GAB2: variants seen among roughly 807,000 people sequenced by gnomAD.
The protein encoded by GAB2 is GRB2 associated binding protein 2, also known as GRB2-associated-binding protein 2.
GAB2 carries 26 observed loss-of-function variants against 65.5 expected under a neutral mutation model. The observed-to-expected ratio is 0.40, with a 90% confidence interval of 0.29 to 0.55. The LOEUF is 0.55. Ranked by LOEUF, GAB2 falls within the 20% of genes least tolerant of loss-of-function variation. The probability of loss-of-function intolerance (pLI) is 0.53; values close to 1 mark genes in which losing one functional copy is unlikely to be tolerated. For synonymous variants in GAB2, 321 were observed against 329.6 expected (o/e 0.97, Z 0.28); for missense variants, 884 against 875.8 (o/e 1.01, Z -0.12).
At chr11:78,305,919 A>C (rs1478723276) in intron 1 of GAB2, among the ~76,000 whole-genome samples, 1 of 152,210 alleles carries the variant, frequency 6.6e-6, no homozygotes, top group Non-Finnish European at 1.5e-5. Flanking sequence ...ATTCTAAATA[A>C]AATTCTAAGA....
intron 1 of GAB2, among the ~76,000 whole-genome samples, chr11:78,356,512 C>T (rs1856361384): frequency 1.3e-5 from 2 of 152,100 alleles, no homozygotes; most frequent in South Asian, 4.1e-4. Flanking sequence ...TTTTAGCATC[C>T]CAAAAGAAAG....
At chr11:78,407,288 A>G (rs73502978) in intron 1 of GAB2, among the ~76,000 whole-genome samples, 9,591 of 152,108 alleles carry the variant, frequency 0.063, 980 homozygotes, top group African/African-American at 0.22. Context: ...CAAGACACAT[A>G]GCAAAATTCT....
In GAB2 at chr11:78,222,323, T is replaced by C. The variant is rs1864468530; in HGVS notation, c.1568-128A>G. On this transcript the variant is annotated intron_variant, in intron 6 of 9. Transcript: ENST00000361507. ...TCATTCCAGTTTCACACAGGGAAAC[T>C]GACGCTCAGCGAGGTTGTATAATCT... 4 of 665,986 alleles carry C rather than the reference T, an allele frequency of 6.0e-6. No individual in the cohort carries two copies. In the Admixed American group the frequency reaches 6.6e-5, roughly 11 times the overall value. 41.3% of individuals were successfully genotyped at this position (665,986 alleles called of 1,614,324 possible). A position where few individuals can be genotyped will look rare whatever the true frequency, so the allele number is the denominator to read the frequency against.
At chr11:78,336,483 T>G (rs879906349) in intron 1 of GAB2, among the ~76,000 whole-genome samples, 18 of 149,914 alleles carry the variant, frequency 1.2e-4, no homozygotes, top group Admixed American at 3.3e-4. Flanking sequence ...AGTTGTTGTT[T>G]TTTTTTTTTT....
chr11:78,269,408 C>T (rs1865954429), intron 2 of GAB2, among the ~76,000 whole-genome samples: 1 of 152,214 alleles, frequency 6.6e-6, no homozygotes, highest in African/African-American at 2.4e-5. Context: ...TTCTCCCTGG[C>T]TCTCTGTCTC....
At chr11:78,360,358 C>T (rs1856417480) in intron 1 of GAB2, among the ~76,000 whole-genome samples, 1 of 145,918 alleles carries the variant, frequency 6.9e-6, no homozygotes, top group African/African-American at 2.5e-5. Flanking sequence ...TACTTGAGAC[C>T]AGCCTGGACA....
At chr11:78,229,685 G>A (rs552091100) in intron 3 of GAB2, among the ~76,000 whole-genome samples, 2 of 152,280 alleles carry the variant, frequency 1.3e-5, no homozygotes, top group South Asian at 4.2e-4. Context: ...TCAGGATTAA[G>A]CCCAAACTCC....
chr11:78,264,102 T>A (rs945412507), intron 2 of GAB2, among the ~76,000 whole-genome samples: 20 of 152,194 alleles, frequency 1.3e-4, no homozygotes, highest in African/African-American at 4.6e-4. Flanking sequence ...TAAATAGTAC[T>A]GTTTTCATAT....
chr11:78,312,563 T>C (rs950313492), intron 1 of GAB2, among the ~76,000 whole-genome samples: 4 of 152,108 alleles, frequency 2.6e-5, no homozygotes, highest in Non-Finnish European at 4.4e-5. Flanking sequence ...GTAGCTGGGA[T>C]TACAGGTGCC....
intron 1 of GAB2, among the ~76,000 whole-genome samples, chr11:78,361,678 A>G (rs879451370): frequency 3.3e-5 from 5 of 152,204 alleles, no homozygotes; most frequent in Admixed American, 6.5e-5. Flanking sequence ...ATACACTTAA[A>G]TATTACTTTT....
chr11:78,279,356 G>T (rs1866266839), intron 2 of GAB2, among the ~76,000 whole-genome samples: 1 of 152,178 alleles, frequency 6.6e-6, no homozygotes, highest in South Asian at 2.1e-4. Flanking sequence ...GGGGCTCTTT[G>T]TGACTCCACA....
At chr11:78,282,824 C>T (rs1051337754) in intron 1 of GAB2, among the ~76,000 whole-genome samples, 1 of 152,180 alleles carries the variant, frequency 6.6e-6, no homozygotes, top group Non-Finnish European at 1.5e-5. Context: ...ATTAATTCTA[C>T]CATCTTTTCA....
chr11:78,324,078 A>T (rs899788889), intron 1 of GAB2, among the ~76,000 whole-genome samples: 1 of 151,268 alleles, frequency 6.6e-6, no homozygotes, highest in African/African-American at 2.4e-5. Context: ...GATAACAGTC[A>T]TGATCCACCA....
At chr11:78,343,320 C>A (rs1856129089) in intron 1 of GAB2, among the ~76,000 whole-genome samples, 1 of 141,538 alleles carries the variant, frequency 7.1e-6, no homozygotes, top group South Asian at 2.3e-4. Flanking sequence ...ATTTTCCTCC[C>A]AAACCCCAAA....
intron 2 of GAB2, among the ~76,000 whole-genome samples, chr11:78,267,619 G>T (rs1190635447): frequency 6.6e-6 from 1 of 152,016 alleles, no homozygotes; most frequent in African/African-American, 2.4e-5. Context: ...AGCACTTTGG[G>T]AGGTCGAGGC....
At chr11:78,410,615 A>C (rs1171377881) in intron 1 of GAB2, among the ~76,000 whole-genome samples, 2 of 152,260 alleles carry the variant, frequency 1.3e-5, no homozygotes, top group East Asian at 1.9e-4. Context: ...AGCATAATAC[A>C]GGATACTGTA....
At chr11:78,354,174 C>T (rs1856322443) in intron 1 of GAB2, among the ~76,000 whole-genome samples, 1 of 152,202 alleles carries the variant, frequency 6.6e-6, no homozygotes, top group African/African-American at 2.4e-5. Flanking sequence ...TAAAGGAACA[C>T]TTTTGGAAGT....
Position 78,242,506 on chromosome 11 carries a change from C to CA in GAB2, c.620+7650dup, listed in dbSNP as rs941047736. ...GACAGAGCGAGACTCCGTCTCAAAA[C>CA]AAAAAAAAAAGAAAAAGAATGAAAT... is the stretch of plus-strand genomic sequence containing the variant. On this transcript the variant is annotated intron_variant, in intron 3 of 9. Transcript: ENST00000361507. Among the ~76,000 whole-genome samples the CA allele has an allele frequency of 3.4e-4, 45 of 132,464 alleles. 1 individual carries two copies. The highest frequency in any genetic ancestry group is 3.8e-3 in the Middle Eastern group (1 of 264). 86.9% of individuals were successfully genotyped at this position (132,464 alleles called of 152,430 possible).
intron 1 of GAB2, among the ~76,000 whole-genome samples, chr11:78,349,117 C>T (rs1415604982): frequency 7.9e-5 from 12 of 152,166 alleles, no homozygotes; most frequent in Non-Finnish European, 1.6e-4. Context: ...TTCATGAGTA[C>T]GGACAGACAC....
Sources: gnomAD v4.1 joint callset for allele counts (sites outside exome capture counted in the v4.1 genomes callset) on GRCh38, gnomAD v4.1.1 for gene constraint, MANE v1.5 for transcripts, NCBI Gene and HGNC (gene_info 2026-07-23, HGNC 2026-07-21) for gene names.